Variants in CCNY observed in about 807,000 individuals in gnomAD.
CCNY encodes cyclin-Y.
CCNY carries 19 observed loss-of-function variants against 42.8 expected under a neutral mutation model. The observed-to-expected ratio is 0.44, with a 90% CI of 0.31 to 0.65. The LOEUF (loss-of-function observed/expected upper bound fraction) is 0.65, where lower values mean the gene tolerates loss of function less well. Among genes scored for constraint, CCNY ranks in the 30% least tolerant of loss-of-function variants. CCNY has a pLI of 0.07. For synonymous variants in CCNY, 165 were observed against 162.7 expected, an observed-to-expected ratio of 1.01 and a Z score of -0.11; for missense variants, 370 against 437.3, an observed-to-expected ratio of 0.85 and a Z score of 1.37.
At chr10:35,338,747 C>T (rs1836109109) in intron 1 of CCNY, among the ~76,000 whole-genome samples, 1 of 152,098 alleles carries the variant, frequency 6.6e-6, no homozygotes, top group South Asian at 2.1e-4. Flanking sequence ...CAGTAAATTT[C>T]CTTTTTATGT....
At chr10:35,440,740 A>G (rs1838648352) in intron 1 of CCNY, among the ~76,000 whole-genome samples, 1 of 152,184 alleles carries the variant, frequency 6.6e-6, no homozygotes, top group Non-Finnish European at 1.5e-5. Flanking sequence ...GCAGTTTCCA[A>G]AGTAGAATGA....
intron 1 of CCNY, among the ~76,000 whole-genome samples, chr10:35,398,862 A>T (rs1589091015): frequency 6.6e-6 from 1 of 152,192 alleles, no homozygotes; most frequent in South Asian, 2.1e-4. Context: ...TTCCCAGGCT[A>T]TTCTGAGAAG....
upstream of CCNY, among the ~76,000 whole-genome samples, chr10:35,334,920 C>T (rs1040362577): frequency 4.6e-5 from 7 of 152,250 alleles, no homozygotes; most frequent in South Asian, 8.3e-4. Flanking sequence ...GGATTTGTCA[C>T]GAACAGGTAC....
chr10:35,465,223 C>T (rs866611390), intron 1 of CCNY, among the ~76,000 whole-genome samples: 6 of 152,090 alleles, frequency 3.9e-5, no homozygotes, highest in African/African-American at 1.2e-4. Context: ...CATGGTAGGG[C>T]GAGTACTGTT....
chr10:35,349,089 C>T (rs191907236), intron 1 of CCNY, among the ~76,000 whole-genome samples: 11 of 152,166 alleles, frequency 7.2e-5, no homozygotes, highest in East Asian at 1.9e-4. Flanking sequence ...TGTGTATCAG[C>T]GGGTTCCACA....
At chr10:35,309,328 A>G (rs991522568) in intron 3 of CCNY, among the ~76,000 whole-genome samples, 1 of 152,238 alleles carries the variant, frequency 6.6e-6, no homozygotes, top group African/African-American at 2.4e-5. Context: ...GACTCAGTGG[A>G]CTGTGAGGGT....
chr10:35,421,841 C>T (rs993515434), intron 1 of CCNY, among the ~76,000 whole-genome samples: 5 of 152,182 alleles, frequency 3.3e-5, no homozygotes, highest in African/African-American at 4.8e-5. Context: ...TTTCTCTTGA[C>T]AGTAAATATA....
chr10:35,487,953 T>C (rs1442645863), intron 2 of CCNY, among the ~76,000 whole-genome samples: 1 of 152,212 alleles, frequency 6.6e-6, no homozygotes, highest in Non-Finnish European at 1.5e-5. Flanking sequence ...TTTTCTGTAC[T>C]TATTTTAGTT....
intron 1 of CCNY, among the ~76,000 whole-genome samples, chr10:35,477,699 C>T (rs1358216837): frequency 6.6e-6 from 1 of 150,496 alleles, no homozygotes; most frequent in East Asian, 2.0e-4. Flanking sequence ...TGGGCAAAAA[C>T]TGGAAGCATT....
chr10:35,472,163 T>G (rs1839403918), intron 1 of CCNY, among the ~76,000 whole-genome samples: 1 of 152,240 alleles, frequency 6.6e-6, no homozygotes. Context: ...CCCATTGCGC[T>G]AGTACCTGAC....
intron 3 of CCNY, among the ~76,000 whole-genome samples, chr10:35,307,625 G>A (rs146153638): frequency 2.6e-5 from 4 of 151,294 alleles, no homozygotes; most frequent in African/African-American, 9.7e-5. Context: ...CATGCATGAT[G>A]CCATTTTCAT....
At chr10:35,561,734 T>C in intron 8 of CCNY, among the ~76,000 whole-genome samples, 1 of 152,244 alleles carries the variant, frequency 6.6e-6, no homozygotes, top group Non-Finnish European at 1.5e-5. Context: ...AGTGAGAACT[T>C]GACTGGGAGT....
chr10:35,445,683 G>C (rs560595520), intron 1 of CCNY, among the ~76,000 whole-genome samples: 1 of 152,302 alleles, frequency 6.6e-6, no homozygotes, highest in East Asian at 1.9e-4. Context: ...AGGTTGTTTG[G>C]AAACCAGAGG....
At chr10:35,313,901 G>A (rs1835720549) in intron 3 of CCNY, among the ~76,000 whole-genome samples, 1 of 151,242 alleles carries the variant, frequency 6.6e-6, no homozygotes, top group Admixed American at 6.6e-5. Context: ...ACTTCAGCCT[G>A]GGAGGCGGAG....
At chr10:35,565,945 C>T in intron 8 of CCNY, 78 bp from the exon 9 acceptor site, 1 of 1,442,224 alleles carries the variant, frequency 6.9e-7, no homozygotes. Flanking sequence ...GGAGTCTGGT[C>T]TCCAGCAACT....
intron 1 of CCNY, among the ~76,000 whole-genome samples, chr10:35,428,859 G>A (rs1180277503): frequency 2.0e-5 from 3 of 152,228 alleles, no homozygotes; most frequent in Non-Finnish European, 4.4e-5. Flanking sequence ...AGGAACAGTG[G>A]AGGAAGACCA....
At chr10:35,479,258 A>G (rs1839598496) in intron 1 of CCNY, among the ~76,000 whole-genome samples, 1 of 151,976 alleles carries the variant, frequency 6.6e-6, no homozygotes, top group Non-Finnish European at 1.5e-5. Flanking sequence ...ATTACTGGGT[A>G]TATACCCAAA....
chr10:35,265,916 G>A (rs918578937), intron 3 of CCNY, among the ~76,000 whole-genome samples: 6 of 151,978 alleles, frequency 3.9e-5, no homozygotes, highest in Non-Finnish European at 8.8e-5. Flanking sequence ...AGAGGCTGTG[G>A]GTCACACAGC....
At chr10:35,256,757 A>AGAC (rs1554963104) in intron 3 of CCNY, among the ~76,000 whole-genome samples, 1 of 150,624 alleles carries the variant, frequency 6.6e-6, no homozygotes, top group African/African-American at 2.4e-5. Flanking sequence ...AAAAAAAAAA[A>AGAC]AAAAATTCCA....
Sources: gnomAD v4.1 joint callset for allele counts (sites outside exome capture counted in the v4.1 genomes callset) on GRCh38, gnomAD v4.1.1 for gene constraint, MANE v1.5 for transcripts, NCBI Gene and HGNC (gene_info 2026-07-23, HGNC 2026-07-21) for gene names.